The following DLC1 variants were observed in gnomAD, a reference collection of about 807,000 sequenced individuals.
The protein encoded by DLC1 is DLC1 Rho GTPase activating protein, also known as rho GTPase-activating protein 7.
Under a neutral mutation model 140.3 loss-of-function variants are expected in DLC1, and 54 were observed. The observed-to-expected ratio is 0.38, with a 90% confidence interval of 0.31 to 0.48. The LOEUF is 0.48. Among genes scored for constraint, DLC1 ranks in the 20% least tolerant of loss-of-function variants. The pLI is 0.96. For missense variants in DLC1, 2,536 were observed against 1,907.0 expected (o/e 1.33, Z -6.14); for synonymous variants, 986 against 728.1 (o/e 1.35, Z -5.70).
chr8:13,168,010 C>A (rs887884108), intron 5 of DLC1, among the ~76,000 whole-genome samples: 1 of 151,800 alleles, frequency 6.6e-6, no homozygotes, highest in Non-Finnish European at 1.5e-5. Context: ...TTTTCATTTT[C>A]TGTGTTCTTA....
rs1465471066 is a variant in DLC1 at position 13,094,927 on chromosome 8, A to C, written c.3358T>G (p.Ser1120Ala). ...VGLFRKSGVKSRIQALRQMNE... is the reference protein window; with the variant it reads ...VGLFRKSGVKARIQALRQMNE... Reference sequence around the variant, plus strand: ...ATCTGGCGCAGAGCCTGAATCCGGGACTTGACCCCCGATTTTCTGAAGAGC... The same window carrying C: ...ATCTGGCGCAGAGCCTGAATCCGGGCCTTGACCCCCGATTTTCTGAAGAGC... The change falls in exon 12 of 18, where the codon TCC (serine) becomes GCC (alanine). Residue 1120 changes from serine to alanine, a missense_variant. Transcript: ENST00000276297. 6.2e-7 allele frequency: 1 copy of C among 1,614,008 alleles called. No homozygotes were observed. Among genetic ancestry groups the C allele is most frequent in the Non-Finnish European group, 8.5e-7 (1 of 1,180,030 alleles).
intron 8 of DLC1, among the ~76,000 whole-genome samples, chr8:13,102,116 G>A (rs984348387): frequency 6.6e-6 from 1 of 152,124 alleles, no homozygotes; most frequent in Non-Finnish European, 1.5e-5. Flanking sequence ...ATTTGAACCC[G>A]GAAGTCAGAA....
chr8:13,133,122 C>A, intron 5 of DLC1: 1 of 1,464,040 alleles, frequency 6.8e-7, no homozygotes, highest in Non-Finnish European at 9.0e-7. Flanking sequence ...CCGCTCCCTG[C>A]CCCTCGTCAC....
At chr8:13,297,298 T>TAAAAAAAAAAAAAAAAAAAAAA (rs1831999414) in intron 5 of DLC1, among the ~76,000 whole-genome samples, 6 of 7,514 alleles carry the variant, frequency 8.0e-4, no homozygotes, top group South Asian at 4.5e-3. Context: ...AAAAAAAAAC[T>TAAAAAAAAAAAAAAAAAAAAAA]GAAGCAAGTA....
At chr8:13,180,846 A>C (rs1563142264) in intron 5 of DLC1, among the ~76,000 whole-genome samples, 1 of 152,238 alleles carries the variant, frequency 6.6e-6, no homozygotes, top group Non-Finnish European at 1.5e-5. Context: ...TGTCTCAAAT[A>C]GGTAAATCCT....
At chr8:13,148,293 C>A (rs1193908876) in intron 5 of DLC1, among the ~76,000 whole-genome samples, 1 of 152,160 alleles carries the variant, frequency 6.6e-6, no homozygotes, top group Non-Finnish European at 1.5e-5. Context: ...CCTACCTCCA[C>A]CCTCAAGTAG....
intron 5 of DLC1, among the ~76,000 whole-genome samples, chr8:13,183,374 G>A (rs1826154331): frequency 6.6e-6 from 1 of 152,152 alleles, no homozygotes; most frequent in African/African-American, 2.4e-5. Context: ...TGGTGAGAGA[G>A]GGCATCCTTG....
At chr8:13,189,028 C>G (rs1263347637) in intron 5 of DLC1, among the ~76,000 whole-genome samples, 1 of 151,256 alleles carries the variant, frequency 6.6e-6, no homozygotes, top group South Asian at 2.1e-4. Context: ...TCCCTATGGA[C>G]CAAGCCTTTT....
chr8:13,241,838 G>A (rs183975762), intron 5 of DLC1, among the ~76,000 whole-genome samples: 80 of 152,166 alleles, frequency 5.3e-4, no homozygotes, highest in East Asian at 4.1e-3. Flanking sequence ...TCCAGACCCC[G>A]GGGTCCTTTC....
intron 4 of DLC1, among the ~76,000 whole-genome samples, chr8:13,345,781 A>G (rs1834308061): frequency 6.6e-6 from 1 of 151,170 alleles, no homozygotes; most frequent in Non-Finnish European, 1.5e-5. Context: ...CTGGTCTCAA[A>G]CTCCTGACCT....
At chr8:13,324,579 A>AAAT (rs1302212421) in intron 4 of DLC1, among the ~76,000 whole-genome samples, 1 of 151,834 alleles carries the variant, frequency 6.6e-6, no homozygotes. Flanking sequence ...TCTCAAAAAA[A>AAAT]AAAAAAAAAA....
chr8:13,393,791 G>GT, intron 3 of DLC1, 98 bp from the exon 4 acceptor site: 1 of 1,392,296 alleles, frequency 7.2e-7, no homozygotes, highest in Non-Finnish European at 9.8e-7. Context: ...CTTTCTCCCA[G>GT]TGCACACTGA....
chr8:13,538,930 T>C (rs1197489221), intron 1 of DLC1, among the ~76,000 whole-genome samples: 1 of 152,202 alleles, frequency 6.6e-6, no homozygotes, highest in Non-Finnish European at 1.5e-5. Flanking sequence ...TAATACAATT[T>C]TTTCTATCTT....
At chr8:13,394,387 ATATTGT>A (rs1169413873) in intron 3 of DLC1, among the ~76,000 whole-genome samples, 1 of 152,126 alleles carries the variant, frequency 6.6e-6, no homozygotes, top group African/African-American at 2.4e-5. Flanking sequence ...ACTCCAATAA[ATATTGT>A]TATTATTATT....
At chr8:13,156,082 G>A (rs1034933493) in intron 5 of DLC1, among the ~76,000 whole-genome samples, 12 of 152,072 alleles carry the variant, frequency 7.9e-5, no homozygotes, top group Non-Finnish European at 2.9e-5. Context: ...AATCAGCAAG[G>A]TACATCAACC....
intron 5 of DLC1, among the ~76,000 whole-genome samples, chr8:13,132,587 T>A (rs1367883681): frequency 1.3e-5 from 2 of 151,876 alleles, no homozygotes; most frequent in Non-Finnish European, 2.9e-5. Context: ...GAAGGCGGTG[T>A]CGCCGCGCCC....
chr8:13,543,113 G>T (rs1803541706), intron 1 of DLC1, among the ~76,000 whole-genome samples: 1 of 152,196 alleles, frequency 6.6e-6, no homozygotes, highest in African/African-American at 2.4e-5. Context: ...GCTTGTTCCA[G>T]TGATTAGTAA....
chr8:13,386,382 A>T (rs921837949), intron 4 of DLC1, among the ~76,000 whole-genome samples: 2 of 152,058 alleles, frequency 1.3e-5, no homozygotes, highest in Non-Finnish European at 2.9e-5. Flanking sequence ...CAGCCCCCAA[A>T]ATTATTTAAG....
intron 1 of DLC1, among the ~76,000 whole-genome samples, chr8:13,531,729 G>A (rs1284893457): frequency 6.6e-6 from 1 of 152,178 alleles, no homozygotes; most frequent in East Asian, 1.9e-4. Context: ...TAAGATGGGT[G>A]CTGAAATCTT....
Sources: allele counts gnomAD v4.1 joint callset (sites outside exome capture counted in the v4.1 genomes callset), GRCh38; gene constraint gnomAD v4.1.1; transcripts MANE v1.5; gene names NCBI Gene and HGNC (gene_info 2026-07-23, HGNC 2026-07-21).